The following GTF2H5 variants were observed in gnomAD, a reference collection of about 807,000 sequenced individuals.
The protein encoded by GTF2H5 is TFB5 ortholog.
In GTF2H5, 5 loss-of-function variants were observed where a neutral mutation model predicts 7.1. The observed-to-expected ratio is 0.71, with a 90% CI of 0.37 to 1.49. The LOEUF (loss-of-function observed/expected upper bound fraction) is 1.49, where lower values mean the gene tolerates loss of function less well. Ranked by LOEUF, GTF2H5 falls within the 40% of genes most tolerant of loss-of-function variation. The pLI is 0.03. For missense variants in GTF2H5, 80 were observed against 83.0 expected (o/e 0.96, Z 0.14); for synonymous variants, 30 against 31.7 (o/e 0.95, Z 0.18).
chr6:158,184,477 G>A lies in GTF2H5; in HGVS notation c.36-7500G>A, dbSNP rs556426687. 2.6e-5 allele frequency among the ~76,000 whole-genome samples: 4 copies of A among 152,190 alleles called. No homozygotes were observed. In the South Asian group the frequency reaches 6.2e-4, roughly 24 times the overall value. ...GTTTTCTTGGGAAAATGGTAGCTGT[G>A]TTTCTGGTTAACTTAATGTCTCCTA... On this transcript the variant is annotated intron_variant, in intron 2 of 2. Coordinates refer to ENST00000607778, the MANE Select transcript of GTF2H5 (RefSeq NM_207118.3).
At chr6:158,191,631 C>T (rs1056432488) in intron 2 of GTF2H5, among the ~76,000 whole-genome samples, 13 of 152,108 alleles carry the variant, frequency 8.5e-5, no homozygotes, top group African/African-American at 2.7e-4. Context: ...TACAGGCACC[C>T]GCCACCACAC....
chr6:158,168,574 C>T (rs535032929), intron 1 of GTF2H5, among the ~76,000 whole-genome samples, 179 bp downstream of exon 1: 1 of 152,228 alleles, frequency 6.6e-6, no homozygotes, highest in Non-Finnish European at 1.5e-5. Flanking sequence ...GGCAGTCCCC[C>T]CCTCGTTTAA....
chr6:158,171,987 C>T (rs543070973), intron 2 of GTF2H5, among the ~76,000 whole-genome samples: 3 of 152,162 alleles, frequency 2.0e-5, no homozygotes, highest in African/African-American at 7.2e-5. Flanking sequence ...ACATTTTCCT[C>T]GTTGGCCTTT....
intron 2 of GTF2H5, 77 bp downstream of exon 2, chr6:158,170,615 C>T: frequency 2.8e-6 from 3 of 1,060,090 alleles, no homozygotes; most frequent in Non-Finnish European, 4.4e-6. Flanking sequence ...TTTCTAAAAC[C>T]CTGTTGTTTT....
intron 2 of GTF2H5, among the ~76,000 whole-genome samples, chr6:158,174,005 G>A (rs1458337602): frequency 3.3e-5 from 5 of 152,156 alleles, no homozygotes; most frequent in African/African-American, 1.2e-4. Context: ...TGGTGGGGGT[G>A]GTTTTTAGCG....
intron 2 of GTF2H5, among the ~76,000 whole-genome samples, chr6:158,188,185 G>C (rs1776961492): frequency 1.3e-5 from 2 of 152,138 alleles, no homozygotes; most frequent in South Asian, 2.1e-4. Context: ...GTCCTCCCTT[G>C]TTTGCAAGGA....
At chr6:158,178,113 A>G (rs1031135003) in intron 2 of GTF2H5, among the ~76,000 whole-genome samples, 1 of 152,126 alleles carries the variant, frequency 6.6e-6, no homozygotes, top group Non-Finnish European at 1.5e-5. Flanking sequence ...GTCAAATGGT[A>G]TTTCTAGTTC....
Position 158,183,703 on chromosome 6 carries a change from C to T in GTF2H5, c.36-8274C>T, listed in dbSNP as rs192787342. Reference sequence around the variant, plus strand: ...AAGGCTCCGTGGGCGTGGGACCCACCGAGCCAGGCACAGGAGGGGATCTCC... The same window carrying T: ...AAGGCTCCGTGGGCGTGGGACCCACTGAGCCAGGCACAGGAGGGGATCTCC... On this transcript the variant is annotated intron_variant, in intron 2 of 2. Transcript: ENST00000607778. 1.9e-3 allele frequency among the ~76,000 whole-genome samples: 286 copies of T among 152,334 alleles called. 1 individual carries two copies. Among genetic ancestry groups the T allele is most frequent in the Admixed American group, 5.0e-3 (77 of 15,308 alleles).
chr6:158,178,540 A>G (rs952020776), intron 2 of GTF2H5, among the ~76,000 whole-genome samples: 9 of 151,766 alleles, frequency 5.9e-5, no homozygotes, highest in African/African-American at 9.7e-5. Context: ...AATGATCGCA[A>G]TTCTAACTGG....
Position 158,195,150 on chromosome 6 carries a change from T to TC in GTF2H5, c.*2993_*2994insC, listed in dbSNP as rs1417152410. 6.6e-6 allele frequency: 1 copy of TC among 152,096 alleles called. No individual in the cohort carries two copies. Among genetic ancestry groups the TC allele is most frequent in the Non-Finnish European group, 1.5e-5 (1 of 68,036 alleles). 9.4% of individuals were successfully genotyped at this position (152,096 alleles called of 1,614,324 possible). Reference sequence around the variant, plus strand: ...ACCAAGAAATTTATGACTTTTTTTTTTTTTTTAAATAAAGTCCTAAAGGTA... The same window carrying TC: ...ACCAAGAAATTTATGACTTTTTTTTTCTTTTTTAAATAAAGTCCTAAAGGTA... On this transcript the variant is annotated 3_prime_UTR_variant, in exon 3 of 3. Transcript: ENST00000607778.
intron 2 of GTF2H5, among the ~76,000 whole-genome samples, chr6:158,175,822 A>T (rs977507283): frequency 6.6e-6 from 1 of 152,210 alleles, no homozygotes; most frequent in African/African-American, 2.4e-5. Flanking sequence ...TATGTATTTA[A>T]TGTGCTAGAA....
In GTF2H5 at chr6:158,195,881, C is replaced by T. The variant is rs905496656; in HGVS notation, c.*3724C>T. ...TAGTCAATAAATATTCTCAAGTGTA[C>T]GTAGCTCAATTTCATTTGCAGCAAA... On this transcript the variant is annotated 3_prime_UTR_variant, in exon 3 of 3. Transcript: ENST00000607778. 5 of 152,116 alleles carry T rather than the reference C, an allele frequency of 3.3e-5. No homozygotes were observed. Among genetic ancestry groups the T allele is most frequent in the African/African-American group, 9.7e-5 (4 of 41,412 alleles). 9.4% of individuals were successfully genotyped at this position (152,116 alleles called of 1,614,324 possible).
rs1028813850 is a variant in GTF2H5 at position 158,176,236 on chromosome 6, G to GT, written c.35+5708dup. Among the ~76,000 whole-genome samples, 654 of 148,396 alleles carry GT rather than the reference G, an allele frequency of 4.4e-3. 6 individuals are homozygous for GT. Among genetic ancestry groups the GT allele is most frequent in the African/African-American group, 0.014 (582 of 40,576 alleles). ...TAAGTATAATATTGTGTTTGCTTTT[G>GT]TTTTTTTTTTGAAACGGAGTCTCAC... is the stretch of plus-strand genomic sequence containing the variant. On this transcript the variant is annotated intron_variant, in intron 2 of 2. Coordinates refer to ENST00000607778, the MANE Select transcript of GTF2H5 (RefSeq NM_207118.3).
chr6:158,184,364 G>T (rs1010497490), intron 2 of GTF2H5, among the ~76,000 whole-genome samples: 2 of 152,150 alleles, frequency 1.3e-5, no homozygotes, highest in African/African-American at 4.8e-5. Context: ...ATTTTGGTTG[G>T]CAGAGCTGGG....
intron 2 of GTF2H5, among the ~76,000 whole-genome samples, chr6:158,176,970 G>A (rs1785942749): frequency 1.3e-5 from 2 of 152,238 alleles, no homozygotes; most frequent in African/African-American, 2.4e-5. Context: ...GCGGTTTTCC[G>A]CCCTGGGTGG....
intron 2 of GTF2H5, among the ~76,000 whole-genome samples, chr6:158,183,868 G>A (rs759713232): frequency 1.3e-5 from 2 of 152,192 alleles, no homozygotes; most frequent in African/African-American, 2.4e-5. Context: ...TGGGTGAGGC[G>A]ACACCCTGCC....
At chr6:158,177,712 C>CATA in intron 2 of GTF2H5, among the ~76,000 whole-genome samples, 1 of 152,130 alleles carries the variant, frequency 6.6e-6, no homozygotes, top group East Asian at 1.9e-4. Flanking sequence ...CTAATGTTAT[C>CATA]CCTCCCCTAG....
At chr6:158,169,268 G>T (rs963213245) in intron 1 of GTF2H5, among the ~76,000 whole-genome samples, 26 of 127,142 alleles carry the variant, frequency 2.0e-4, no homozygotes, top group Non-Finnish European at 3.8e-4. Context: ...TATTATATAT[G>T]TATTTTATAT....
intron 1 of GTF2H5, among the ~76,000 whole-genome samples, chr6:158,169,654 CAT>C (rs1785778284): frequency 2.5e-5 from 1 of 40,122 alleles, no homozygotes; most frequent in Non-Finnish European, 3.9e-5. Flanking sequence ...TTGTATATTA[CAT>C]ATAATATATT....
Sources: allele counts gnomAD v4.1 joint callset (sites outside exome capture counted in the v4.1 genomes callset), GRCh38; gene constraint gnomAD v4.1.1; transcripts MANE v1.5; gene names NCBI Gene and HGNC (gene_info 2026-07-23, HGNC 2026-07-21).